The following ACTR3C variants were observed in gnomAD, a reference collection of about 807,000 sequenced individuals.
ACTR3C encodes the protein actin-related protein 3C.
A neutral mutation model predicts 26.3 loss-of-function variants in ACTR3C; 18 were observed. The ratio of observed to expected loss-of-function variants is 0.68; its 90% confidence interval spans 0.47 to 1.01. ACTR3C has a LOEUF of 1.01. ACTR3C is among the 50% of genes least tolerant of loss of function. The pLI is 0.00. For missense variants in ACTR3C, 184 were observed against 250.7 expected (o/e 0.73, Z 1.80); for synonymous variants, 55 against 94.5 (o/e 0.58, Z 2.42).
At chr7:150,045,701 CAT>C in the ACTR3C span, among the ~76,000 whole-genome samples, 7 of 151,984 alleles carry the variant, frequency 4.6e-5, no homozygotes, top group African/African-American at 1.7e-4. Context: ...TTTCTAGACA[CAT>C]GTCACAATAA....
the ACTR3C span, among the ~76,000 whole-genome samples, chr7:150,188,100 C>G: frequency 6.6e-6 from 1 of 151,380 alleles, no homozygotes; most frequent in Non-Finnish European, 1.5e-5. Flanking sequence ...TCCACCACTT[C>G]CCCAAGGTAC....
chr7:149,909,252 C>A, the ACTR3C span, among the ~76,000 whole-genome samples: 1 of 82,124 alleles, frequency 1.2e-5, no homozygotes. Context: ...GTCATCAGGC[C>A]TATCATTTCC....
chr7:149,913,477 C>T, the ACTR3C span, among the ~76,000 whole-genome samples: 35 of 152,084 alleles, frequency 2.3e-4, no homozygotes, highest in Middle Eastern at 3.4e-3. Flanking sequence ...TCAGATTGAG[C>T]TTTCCAGTTG....
the ACTR3C span, among the ~76,000 whole-genome samples, chr7:150,033,676 G>A: frequency 1.4e-4 from 21 of 151,818 alleles, no homozygotes; most frequent in Middle Eastern, 3.5e-3. Context: ...TGCCTCGCGG[G>A]GGGTGCCTCC....
the ACTR3C span, among the ~76,000 whole-genome samples, chr7:150,215,811 G>T: frequency 6.6e-6 from 1 of 151,550 alleles, no homozygotes; most frequent in African/African-American, 2.4e-5. Flanking sequence ...CTTACAAGCT[G>T]GAAAAAGTGC....
chr7:150,163,376 A>ATGTG, the ACTR3C span, among the ~76,000 whole-genome samples: 3 of 130,100 alleles, frequency 2.3e-5, no homozygotes, highest in Non-Finnish European at 4.7e-5. Flanking sequence ...ATATATATAT[A>ATGTG]TGTGTGTATG....
chr7:150,034,664 C>A, the ACTR3C span, among the ~76,000 whole-genome samples: 1 of 150,678 alleles, frequency 6.6e-6, no homozygotes, highest in Non-Finnish European at 1.5e-5. Context: ...GTAAATCCCA[C>A]GTAAGGTACC....
At chr7:150,105,400 G>C in the ACTR3C span, among the ~76,000 whole-genome samples, 3 of 151,950 alleles carry the variant, frequency 2.0e-5, no homozygotes, top group African/African-American at 7.3e-5. Context: ...CCTTCTTAAA[G>C]GAACTCACGG....
chr7:150,056,436 T>G, the ACTR3C span, among the ~76,000 whole-genome samples: 1 of 152,228 alleles, frequency 6.6e-6, no homozygotes, highest in Non-Finnish European at 1.5e-5. Flanking sequence ...CCGAACAATT[T>G]CCTTCTCATA....
chr7:150,180,504 A>G, the ACTR3C span, among the ~76,000 whole-genome samples: 1 of 144,410 alleles, frequency 6.9e-6, no homozygotes, highest in South Asian at 2.1e-4. Context: ...CCAAAATAGT[A>G]GTATATCTTT....
the ACTR3C span, among the ~76,000 whole-genome samples, chr7:150,154,295 T>C: frequency 6.6e-6 from 1 of 152,186 alleles, no homozygotes; most frequent in Non-Finnish European, 1.5e-5. Flanking sequence ...CAATGACCCA[T>C]CTTCATTACC....
intron 5 of ACTR3C, among the ~76,000 whole-genome samples, 142 bp downstream of exon 5, chr7:150,286,200 GCAAACTGAACAATCTGTCAAGCAGA>G (rs1489586770): frequency 6.6e-6 from 1 of 151,710 alleles, no homozygotes; most frequent in Admixed American, 6.6e-5. Context: ...CTACGGAGAG[GCAAACTGAACAATCTGTCAAGCAGA>G]CAAACTGCAT....
chr7:150,198,951 C>G, the ACTR3C span, among the ~76,000 whole-genome samples: 8 of 136,758 alleles, frequency 5.8e-5, no homozygotes, highest in Middle Eastern at 3.6e-3. Context: ...GCCCCCTGCC[C>G]GGCCAGCCGC....
intron 6 of ACTR3C, among the ~76,000 whole-genome samples, chr7:150,268,430 A>C (rs1834217309): frequency 7.9e-6 from 1 of 125,818 alleles, no homozygotes; most frequent in Non-Finnish European, 1.6e-5. Context: ...ATCTCTACTC[A>C]CTCCTCCCCA....
the ACTR3C span, among the ~76,000 whole-genome samples, chr7:150,167,391 T>A: frequency 1.3e-5 from 2 of 151,000 alleles, no homozygotes; most frequent in South Asian, 2.1e-4. Context: ...TCACTTTTGA[T>A]CTATTTCCTA....
chr7:150,265,059 T>C (rs900238137), intron 6 of ACTR3C, among the ~76,000 whole-genome samples: 8 of 152,056 alleles, frequency 5.3e-5, no homozygotes, highest in South Asian at 2.1e-4. Flanking sequence ...ACCAAAAAGA[T>C]AGTGAGAGAT....
intron 6 of ACTR3C, among the ~76,000 whole-genome samples, chr7:150,269,521 G>C (rs1352606110): frequency 1.3e-5 from 2 of 148,412 alleles, no homozygotes; most frequent in Non-Finnish European, 2.9e-5. Context: ...GCCCAGGGAA[G>C]GCAGGACGGC....
chr7:150,230,284 G>A, the ACTR3C span, among the ~76,000 whole-genome samples: 1 of 152,206 alleles, frequency 6.6e-6, no homozygotes, highest in South Asian at 2.1e-4. Flanking sequence ...ATTTGGGCCT[G>A]CTGTTTTCTT....
the ACTR3C span, among the ~76,000 whole-genome samples, chr7:149,884,971 C>A: frequency 1.3e-5 from 2 of 152,190 alleles, no homozygotes; most frequent in Non-Finnish European, 2.9e-5. Flanking sequence ...TGTCCAAGCC[C>A]TGACACTGTT....
Sources: allele counts gnomAD v4.1 joint callset (sites outside exome capture counted in the v4.1 genomes callset), GRCh38; gene constraint gnomAD v4.1.1; transcripts MANE v1.5; gene names NCBI Gene and HGNC (gene_info 2026-07-23, HGNC 2026-07-21).